RSU1: variants seen among roughly 807,000 people sequenced by gnomAD.
RSU1 encodes the protein rsu-1.
A neutral mutation model predicts 31.1 loss-of-function variants in RSU1; 26 were observed. The observed-to-expected ratio is 0.84, with a 90% CI of 0.61 to 1.16. The LOEUF (loss-of-function observed/expected upper bound fraction) is 1.16. Among genes scored for constraint, RSU1 ranks in the 50% most tolerant of loss-of-function variants. The pLI is 0.00. For synonymous variants in RSU1, 164 were observed against 136.3 expected (o/e 1.20, Z -1.41); for missense variants, 320 against 339.1 (o/e 0.94, Z 0.44).
At chr10:16,742,357 C>A (rs1836771238) in intron 7 of RSU1, among the ~76,000 whole-genome samples, 1 of 152,126 alleles carries the variant, frequency 6.6e-6, no homozygotes. Flanking sequence ...CAGGTGTTGA[C>A]AACATGAGGG....
intron 2 of RSU1, among the ~76,000 whole-genome samples, chr10:16,788,960 G>A (rs1331741629): frequency 6.6e-6 from 1 of 152,194 alleles, no homozygotes; most frequent in Non-Finnish European, 1.5e-5. Flanking sequence ...CCATCCATCT[G>A]AGAGTCACTG....
chr10:16,606,903 C>T (rs2131464072), intron 8 of RSU1, among the ~76,000 whole-genome samples: 1 of 152,322 alleles, frequency 6.6e-6, no homozygotes, highest in South Asian at 2.1e-4. Flanking sequence ...GCCATCTGCT[C>T]TTGGCACTGT....
intron 8 of RSU1, among the ~76,000 whole-genome samples, chr10:16,665,363 A>T (rs555775511): frequency 6.6e-6 from 1 of 152,358 alleles, no homozygotes; most frequent in East Asian, 1.9e-4. Context: ...AAAGTTAAAC[A>T]ACATAAACAC....
intron 2 of RSU1, among the ~76,000 whole-genome samples, chr10:16,795,834 C>T: frequency 6.6e-6 from 1 of 152,122 alleles, no homozygotes; most frequent in East Asian, 1.9e-4. Flanking sequence ...ACCCCCCGGA[C>T]CCCTAAACAA....
intron 7 of RSU1, among the ~76,000 whole-genome samples, chr10:16,730,910 G>A (rs987287259): frequency 2.0e-5 from 3 of 151,896 alleles, no homozygotes; most frequent in East Asian, 1.9e-4. Flanking sequence ...TACAACCTCC[G>A]TCTCCTGGGT....
intron 8 of RSU1, among the ~76,000 whole-genome samples, chr10:16,644,295 G>A (rs1834497481): frequency 6.6e-6 from 1 of 152,158 alleles, no homozygotes; most frequent in Admixed American, 6.5e-5. Context: ...TTCAAAGTGA[G>A]TCATCTCCAC....
chr10:16,784,650 A>C (rs1588533482), intron 2 of RSU1, among the ~76,000 whole-genome samples: 1 of 152,342 alleles, frequency 6.6e-6, no homozygotes, highest in South Asian at 2.1e-4. Flanking sequence ...GAAGCCTCAC[A>C]ATCATGGCAG....
chr10:16,649,334 G>T (rs181637648), intron 8 of RSU1, among the ~76,000 whole-genome samples: 1 of 152,190 alleles, frequency 6.6e-6, no homozygotes, highest in Non-Finnish European at 1.5e-5. Context: ...AATTGGAGTA[G>T]CTTATTTATC....
At position 16,590,813 on chromosome 10, in the gene RSU1, T is replaced by C. The variant is rs2131444720; in HGVS notation, c.*2581A>G. The stretch of plus-strand genomic sequence containing the variant: ...ACACGTATTACAAACAAGCTTCCTT[T>C]TGACACAGCTGGGACCATCCTTATA... On this transcript the variant is annotated 3_prime_UTR_variant, in exon 9 of 9. Coordinates refer to ENST00000345264, the MANE Select transcript of RSU1 (RefSeq NM_012425.4). 1 of 152,384 alleles carries C rather than the reference T, an allele frequency of 6.6e-6. No homozygotes were observed. Among genetic ancestry groups the C allele is most frequent in the African/African-American group, 2.4e-5 (1 of 41,600 alleles). 9.4% of individuals were successfully genotyped at this position (152,384 alleles called of 1,614,324 possible). A position where few individuals can be genotyped will look rare whatever the true frequency, so the allele number is the denominator to read the frequency against.
intron 4 of RSU1, among the ~76,000 whole-genome samples, chr10:16,755,226 G>A (rs1368444047): frequency 7.9e-5 from 12 of 152,010 alleles, no homozygotes; most frequent in East Asian, 3.9e-4. Context: ...AGGCTCAAGC[G>A]ATCCTTCCAC....
At chr10:16,808,150 C>T (rs962335133) in intron 2 of RSU1, among the ~76,000 whole-genome samples, 2 of 151,952 alleles carry the variant, frequency 1.3e-5, no homozygotes, top group African/African-American at 4.8e-5. Flanking sequence ...CAACACAGCA[C>T]AGTATCACAC....
intron 8 of RSU1, among the ~76,000 whole-genome samples, chr10:16,683,278 G>A (rs1835371097): frequency 6.6e-6 from 1 of 152,070 alleles, no homozygotes; most frequent in Admixed American, 6.6e-5. Flanking sequence ...AGAGGCTACA[G>A]ATGAAGAGAG....
intron 7 of RSU1, among the ~76,000 whole-genome samples, chr10:16,716,287 C>T (rs150035400): frequency 6.6e-5 from 10 of 152,200 alleles, no homozygotes; most frequent in South Asian, 2.1e-4. Context: ...AGCAGGACTA[C>T]GATGTTCTGT....
chr10:16,611,654 G>A (rs965885441), intron 8 of RSU1, among the ~76,000 whole-genome samples: 2 of 152,170 alleles, frequency 1.3e-5, no homozygotes, highest in African/African-American at 4.8e-5. Context: ...GCTGACATCT[G>A]CACCTCCAGC....
chr10:16,624,097 G>T (rs535293757), intron 8 of RSU1, among the ~76,000 whole-genome samples: 17 of 152,112 alleles, frequency 1.1e-4, no homozygotes, highest in African/African-American at 3.9e-4. Context: ...ATTTTATGAC[G>T]TGCTGGGTGG....
chr10:16,785,104 G>C (rs1316881193), intron 2 of RSU1, among the ~76,000 whole-genome samples: 1 of 152,136 alleles, frequency 6.6e-6, no homozygotes, highest in African/African-American at 2.4e-5. Context: ...ATTAACATTT[G>C]AGTCAGTGGG....
At chr10:16,811,465 ATGAGGCACC>A (rs1410944127) in intron 2 of RSU1, among the ~76,000 whole-genome samples, 1 of 152,178 alleles carries the variant, frequency 6.6e-6, no homozygotes, top group African/African-American at 2.4e-5. Flanking sequence ...CATTTTATAG[ATGAGGCACC>A]TGAGGCACAG....
intron 8 of RSU1, among the ~76,000 whole-genome samples, chr10:16,679,582 G>C (rs1208430667): frequency 6.6e-6 from 1 of 152,180 alleles, no homozygotes; most frequent in African/African-American, 2.4e-5. Flanking sequence ...GAATAACTGG[G>C]CATTTAATAG....
At chr10:16,787,979 T>C (rs1837829961) in intron 2 of RSU1, among the ~76,000 whole-genome samples, 1 of 152,198 alleles carries the variant, frequency 6.6e-6, no homozygotes, top group African/African-American at 2.4e-5. Flanking sequence ...CACATCATGG[T>C]TAAGATTTTA....
Sources: gnomAD v4.1 joint callset for allele counts (sites outside exome capture counted in the v4.1 genomes callset) on GRCh38, gnomAD v4.1.1 for gene constraint, MANE v1.5 for transcripts, NCBI Gene and HGNC (gene_info 2026-07-23, HGNC 2026-07-21) for gene names.